MEIS2: variants seen among roughly 807,000 people sequenced by gnomAD.
MEIS2 encodes homeobox protein Meis2.
Under a neutral mutation model 58.6 loss-of-function variants are expected in MEIS2, and 9 were observed. The ratio of observed to expected loss-of-function variants is 0.15; its 90% confidence interval spans 0.09 to 0.27. The LOEUF is 0.27. Among genes scored for constraint, MEIS2 ranks in the 10% least tolerant of loss-of-function variants. MEIS2 has a pLI of 1.00. For synonymous variants in MEIS2, 221 were observed against 228.4 expected (o/e 0.97, Z 0.29); for missense variants, 427 against 635.0 (o/e 0.67, Z 3.52).
rs527816580 is a variant in MEIS2 at position 37,041,707 on chromosome 15, T to A, written c.755-4748A>T. Among the ~76,000 whole-genome samples, 3 of 152,324 alleles carry A rather than the reference T, an allele frequency of 2.0e-5. No individual in the cohort carries two copies. In the South Asian group the frequency reaches 6.2e-4, roughly 32 times the overall value. ...GGCACACTATGAGAGGATCCTCAGATGATTGATTCTAAATTCTAGTTCTAG... is the reference window on the plus strand; with the variant it reads ...GGCACACTATGAGAGGATCCTCAGAAGATTGATTCTAAATTCTAGTTCTAG... On this transcript the variant is annotated intron_variant, in intron 7 of 11. Coordinates refer to ENST00000561208, the MANE Select transcript of MEIS2 (RefSeq NM_170675.5).
Position 36,901,065 on chromosome 15 carries a change from C to G in MEIS2, c.978-4379G>C, listed in dbSNP as rs566333832. On this transcript the variant is annotated intron_variant, in intron 9 of 11. Transcript: ENST00000561208. ...AGAATAGCTGGAATTGAAGATTCTG[C>G]ATGGATTGCTTTGCGCAGGGAAGGG... 34 of 152,354 alleles carry G rather than the reference C, an allele frequency of 2.2e-4. 1 individual carries two copies. The highest frequency in any genetic ancestry group is 1.5e-3 in the Admixed American group (23 of 15,302). 9.4% of individuals were successfully genotyped at this position (152,354 alleles called of 1,614,324 possible). A position where few individuals can be genotyped will look rare whatever the true frequency, so the allele number is the denominator to read the frequency against.
intron 8 of MEIS2, among the ~76,000 whole-genome samples, chr15:37,025,292 T>C (rs2061664239): frequency 6.6e-6 from 1 of 152,178 alleles, no homozygotes; most frequent in Non-Finnish European, 1.5e-5. Context: ...CTCAAAACAA[T>C]GAGGTAAGAA....
intron 9 of MEIS2, among the ~76,000 whole-genome samples, chr15:36,940,285 A>G (rs1363150048): frequency 1.3e-5 from 2 of 152,242 alleles, no homozygotes; most frequent in South Asian, 2.1e-4. Flanking sequence ...AGCTCAGTTC[A>G]GGTTTCCTTC....
At chr15:37,097,296 A>G (rs2140097930) in intron 2 of MEIS2, 2 of 152,208 alleles carry the variant, frequency 1.3e-5, no homozygotes, top group Middle Eastern at 6.8e-3. Flanking sequence ...CTCGTGTGGT[A>G]CACGTTAGGA....
At chr15:37,063,549 G>T (rs139706345) in intron 7 of MEIS2, among the ~76,000 whole-genome samples, 1 of 152,148 alleles carries the variant, frequency 6.6e-6, no homozygotes, top group Non-Finnish European at 1.5e-5. Context: ...TATACTAAAC[G>T]TACAGCACAA....
chr15:37,084,631 C>T (rs1449334570), intron 6 of MEIS2, among the ~76,000 whole-genome samples: 1 of 152,140 alleles, frequency 6.6e-6, no homozygotes, highest in African/African-American at 2.4e-5. Context: ...CTGAGCAGTG[C>T]TTTTTCCTAG....
intron 9 of MEIS2, among the ~76,000 whole-genome samples, chr15:36,940,959 GA>G (rs2058352904): frequency 2.0e-5 from 3 of 152,186 alleles, no homozygotes; most frequent in Admixed American, 2.0e-4. Context: ...ATTTCATTAT[GA>G]AAAAAGAATC....
At chr15:36,895,028 G>T (rs1294814125) in intron 11 of MEIS2, 123 bp downstream of exon 11, 3 of 948,010 alleles carry the variant, frequency 3.2e-6, no homozygotes, top group East Asian at 4.8e-5. Flanking sequence ...AAGAAAGCAG[G>T]CAGAGCAGGC....
At chr15:36,993,421 A>T (rs2060369656) in intron 8 of MEIS2, among the ~76,000 whole-genome samples, 1 of 152,168 alleles carries the variant, frequency 6.6e-6, no homozygotes, top group Non-Finnish European at 1.5e-5. Flanking sequence ...ATCTCTTAGT[A>T]TATTTCTTCA....
chr15:37,061,796 T>C (rs1889252415), intron 7 of MEIS2, among the ~76,000 whole-genome samples: 1 of 152,180 alleles, frequency 6.6e-6, no homozygotes, highest in South Asian at 2.1e-4. Flanking sequence ...TTTTCAGAAG[T>C]ATAGCATTTC....
chr15:36,978,833 G>T (rs1187186773), intron 8 of MEIS2, among the ~76,000 whole-genome samples: 3 of 152,076 alleles, frequency 2.0e-5, no homozygotes, highest in African/African-American at 4.8e-5. Context: ...CCACAATATG[G>T]ATGCACCATG....
At chr15:37,011,322 T>C (rs2061143116) in intron 8 of MEIS2, among the ~76,000 whole-genome samples, 1 of 152,226 alleles carries the variant, frequency 6.6e-6, no homozygotes, top group African/African-American at 2.4e-5. Context: ...AGTTGAATTA[T>C]ATAAGAGTTG....
At chr15:36,950,522 C>CT in intron 8 of MEIS2, 122 bp from the exon 9 acceptor site, 1 of 899,282 alleles carries the variant, frequency 1.1e-6, no homozygotes, top group Non-Finnish European at 1.7e-6. Flanking sequence ...CTACTTGCAT[C>CT]TTTTTTATCA....
At chr15:36,902,397 G>A (rs1218317039) in intron 9 of MEIS2, among the ~76,000 whole-genome samples, 2 of 152,206 alleles carry the variant, frequency 1.3e-5, no homozygotes, top group African/African-American at 2.4e-5. Context: ...CACTGGGGCA[G>A]GCATCTGCCT....
At chr15:37,091,309 T>C (rs184006874) in intron 6 of MEIS2, among the ~76,000 whole-genome samples, 5 of 152,196 alleles carry the variant, frequency 3.3e-5, no homozygotes, top group African/African-American at 9.6e-5. Flanking sequence ...CTCATGTCCC[T>C]GCATAAAATA....
intron 8 of MEIS2, among the ~76,000 whole-genome samples, chr15:36,954,869 T>C (rs1042049308): frequency 1.3e-5 from 2 of 152,230 alleles, no homozygotes; most frequent in African/African-American, 4.8e-5. Flanking sequence ...CACTTCCTTT[T>C]CTTTGCTCCC....
chr15:37,056,519 C>A (rs1283528290), intron 7 of MEIS2, among the ~76,000 whole-genome samples: 1 of 152,212 alleles, frequency 6.6e-6, no homozygotes, highest in African/African-American at 2.4e-5. Flanking sequence ...AAGTCAGCCA[C>A]CAGGACGGCA....
intron 8 of MEIS2, among the ~76,000 whole-genome samples, chr15:36,974,839 C>T (rs896393385): frequency 2.6e-5 from 4 of 152,202 alleles, no homozygotes; most frequent in African/African-American, 7.2e-5. Flanking sequence ...TAGACACACT[C>T]ATCAGAATTG....
intron 9 of MEIS2, among the ~76,000 whole-genome samples, chr15:36,936,851 A>G (rs538081342): frequency 1.3e-5 from 2 of 152,348 alleles, no homozygotes; most frequent in African/African-American, 4.8e-5. Flanking sequence ...TCAAGGGGAA[A>G]AGATAACTGT....
Sources: allele counts gnomAD v4.1 joint callset (sites outside exome capture counted in the v4.1 genomes callset), GRCh38; gene constraint gnomAD v4.1.1; transcripts MANE v1.5; gene names NCBI Gene and HGNC (gene_info 2026-07-23, HGNC 2026-07-21).